The following LINGO2 variants were observed in gnomAD, a reference collection of about 807,000 sequenced individuals.
The protein encoded by LINGO2 is leucine rich repeat and Ig domain containing 2, also known as leucine-rich repeat and immunoglobulin-like domain-containing nogo receptor-interacting protein 2.
Under a neutral mutation model 30.6 loss-of-function variants are expected in LINGO2, and 14 were observed. That is an observed-to-expected ratio of 0.46 (90% confidence interval 0.30 to 0.72). The LOEUF (loss-of-function observed/expected upper bound fraction) is 0.72. Among genes scored for constraint, LINGO2 ranks in the 30% least tolerant of loss-of-function variants. The pLI is 0.07. For synonymous variants in LINGO2, 317 were observed against 288.5 expected (o/e 1.10, Z -1.00); for missense variants, 729 against 751.7 (o/e 0.97, Z 0.35).
At chr9:28,163,604 A>G (rs555325057) in intron 4 of LINGO2, among the ~76,000 whole-genome samples, 12 of 152,312 alleles carry the variant, frequency 7.9e-5, no homozygotes, top group African/African-American at 2.4e-4. Flanking sequence ...GCTCCTTTCA[A>G]TGACTTTTTT....
the LINGO2 span, among the ~76,000 whole-genome samples, chr9:29,142,025 A>G: frequency 9.3e-4 from 142 of 152,006 alleles, no homozygotes; most frequent in African/African-American, 3.2e-3. Context: ...GAGAAAACAG[A>G]ATACCTGAAC....
chr9:28,355,732 T>C (rs1417075903), intron 3 of LINGO2, among the ~76,000 whole-genome samples: 2 of 152,144 alleles, frequency 1.3e-5, no homozygotes, highest in East Asian at 3.9e-4. Context: ...CTAAGAGAGA[T>C]TGCTTTTGCG....
At chr9:28,900,803 C>A in the LINGO2 span, among the ~76,000 whole-genome samples, 11,686 of 152,098 alleles carry the variant, frequency 0.077, 478 homozygotes, top group East Asian at 0.12. Flanking sequence ...ACCAAAGAGA[C>A]AAAGCATCAG....
chr9:28,938,068 T>C, the LINGO2 span, among the ~76,000 whole-genome samples: 15 of 152,322 alleles, frequency 9.8e-5, no homozygotes, highest in African/African-American at 1.4e-4. Flanking sequence ...TGTTAAAGAA[T>C]AAGGCATATT....
chr9:28,956,572 CT>C, the LINGO2 span, among the ~76,000 whole-genome samples: 2 of 123,596 alleles, frequency 1.6e-5, no homozygotes, highest in Admixed American at 8.7e-5. Context: ...TCCTTCCTTC[CT>C]CCATCCCTCC....
the LINGO2 span, among the ~76,000 whole-genome samples, chr9:29,118,403 A>C: frequency 2.6e-5 from 4 of 152,188 alleles, no homozygotes; most frequent in Non-Finnish European, 5.9e-5. Context: ...CTGAATCAAG[A>C]ATCTGGCCAC....
chr9:29,017,143 T>C, the LINGO2 span, among the ~76,000 whole-genome samples: 1 of 148,084 alleles, frequency 6.8e-6, no homozygotes, highest in Non-Finnish European at 1.5e-5. Flanking sequence ...AATAGCTTGC[T>C]TGCTGTTTTT....
intron 4 of LINGO2, among the ~76,000 whole-genome samples, chr9:28,138,117 C>A (rs1827568326): frequency 6.6e-6 from 1 of 152,116 alleles, no homozygotes; most frequent in Admixed American, 6.6e-5. Context: ...CTCAAGATCA[C>A]CTTGACACTT....
the LINGO2 span, among the ~76,000 whole-genome samples, chr9:29,138,175 C>T: frequency 0.25 from 37,336 of 151,800 alleles, 4,776 homozygotes; most frequent in East Asian, 0.44. Flanking sequence ...TCTTCCAAAA[C>T]TGGAACCTAT....
chr9:29,001,131 C>G, the LINGO2 span, among the ~76,000 whole-genome samples: 1 of 151,604 alleles, frequency 6.6e-6, no homozygotes, highest in African/African-American at 2.4e-5. Flanking sequence ...GAGAAGTAGA[C>G]TGCAGTGTTG....
rs571458617 is a variant in LINGO2, at chr9:28,181,209, C to A, written c.-87+113999G>T. Among the ~76,000 whole-genome samples, 279 of 152,258 alleles carry A rather than the reference C, an allele frequency of 1.8e-3. 4 individuals carry two copies. The highest frequency in any genetic ancestry group is 3.4e-3 in the Middle Eastern group (1 of 294). Reference sequence around the variant, plus strand: ...CTCTTACCACCAACCAGCATATCCACTGATTTTAGATTATGCTTACTGGGC... The same window carrying A: ...CTCTTACCACCAACCAGCATATCCAATGATTTTAGATTATGCTTACTGGGC... On this transcript the variant is annotated intron_variant, in intron 4 of 5. Transcript: ENST00000379992.
intron 5 of LINGO2, among the ~76,000 whole-genome samples, chr9:27,962,896 T>C (rs1819916830): frequency 6.6e-6 from 1 of 152,320 alleles, no homozygotes; most frequent in African/African-American, 2.4e-5. Context: ...CAATGATTAG[T>C]ACGTACCTTT....
chr9:28,486,681 A>C (rs189776721), intron 1 of LINGO2, among the ~76,000 whole-genome samples: 11 of 150,416 alleles, frequency 7.3e-5, no homozygotes, highest in Non-Finnish European at 1.6e-4. Context: ...CTCTCGTTCT[A>C]TGAGGCCTCC....
chr9:28,252,247 G>A (rs1564075952), intron 4 of LINGO2, among the ~76,000 whole-genome samples: 1 of 151,992 alleles, frequency 6.6e-6, no homozygotes, highest in Non-Finnish European at 1.5e-5. Flanking sequence ...TGTTTTTTGA[G>A]ATGGACTCTC....
chr9:28,775,899 G>GA, the LINGO2 span, among the ~76,000 whole-genome samples: 2 of 152,028 alleles, frequency 1.3e-5, no homozygotes, highest in Non-Finnish European at 1.5e-5. Context: ...TGAGAATAAT[G>GA]AAAAAAATTG....
intron 1 of LINGO2, among the ~76,000 whole-genome samples, chr9:28,586,558 T>C (rs1824551525): frequency 6.6e-6 from 1 of 152,062 alleles, no homozygotes; most frequent in African/African-American, 2.4e-5. Context: ...TTATGCTAAA[T>C]AATATTGTCA....
chr9:28,992,271 G>T, the LINGO2 span, among the ~76,000 whole-genome samples: 2 of 151,918 alleles, frequency 1.3e-5, no homozygotes, highest in African/African-American at 4.8e-5. Context: ...GACAAAGAAG[G>T]CCATTACATA....
the LINGO2 span, among the ~76,000 whole-genome samples, chr9:29,068,245 T>C: frequency 6.6e-6 from 1 of 151,726 alleles, no homozygotes; most frequent in African/African-American, 2.4e-5. Flanking sequence ...AAGGAGACTA[T>C]GAGAGGTACA....
chr9:28,397,429 T>C (rs371533105), intron 2 of LINGO2, among the ~76,000 whole-genome samples: 1 of 150,120 alleles, frequency 6.7e-6, no homozygotes, highest in African/African-American at 2.4e-5. Flanking sequence ...TTAACACATG[T>C]ATTACCTCAC....
Sources: allele counts gnomAD v4.1 joint callset (sites outside exome capture counted in the v4.1 genomes callset), GRCh38; gene constraint gnomAD v4.1.1; transcripts MANE v1.5; gene names NCBI Gene and HGNC (gene_info 2026-07-23, HGNC 2026-07-21).